The following TCERG1L variants were observed in gnomAD, a reference collection of about 807,000 sequenced individuals.
TCERG1L encodes the protein transcription elongation regulator 1-like protein.
TCERG1L carries 37 observed loss-of-function variants against 56.3 expected under a neutral mutation model. The observed-to-expected ratio is 0.66, with a 90% CI of 0.51 to 0.87. The LOEUF is 0.87. Among genes scored for constraint, TCERG1L ranks in the 40% least tolerant of loss-of-function variants. The pLI is 0.00. For missense variants in TCERG1L, 799 were observed against 774.2 expected (o/e 1.03, Z -0.38); for synonymous variants, 324 against 326.3 (o/e 0.99, Z 0.08).
rs1455350940 is a variant in TCERG1L at position 131,285,808 on chromosome 10, G to C, written c.670+22403C>G. Reference sequence around the variant, plus strand: ...AAATGTGGCTATCTTAATCTAAAAAGGTAAAACATTGAAAAAAATTCATCC... The same window carrying C: ...AAATGTGGCTATCTTAATCTAAAAACGTAAAACATTGAAAAAAATTCATCC... On this transcript the variant is annotated intron_variant, in intron 3 of 11. Coordinates refer to ENST00000368642, the MANE Select transcript of TCERG1L (RefSeq NM_174937.4). Among the ~76,000 whole-genome samples the C allele has an allele frequency of 2.6e-5, 4 of 152,104 alleles. No homozygotes were observed. In the East Asian group the frequency reaches 7.7e-4, roughly 29 times the overall value.
intron 4 of TCERG1L, among the ~76,000 whole-genome samples, chr10:131,227,946 T>C (rs888738418): frequency 1.3e-5 from 2 of 152,084 alleles, no homozygotes; most frequent in Non-Finnish European, 2.9e-5. Context: ...CCTGGCTGAG[T>C]GCATTTCCGT....
intron 4 of TCERG1L, among the ~76,000 whole-genome samples, chr10:131,168,074 T>A (rs1315777494): frequency 6.6e-6 from 1 of 152,142 alleles, no homozygotes; most frequent in Non-Finnish European, 1.5e-5. Flanking sequence ...GACTGGGCAG[T>A]GCAGTCAGGG....
intron 4 of TCERG1L, among the ~76,000 whole-genome samples, chr10:131,205,736 T>C (rs1317397903): frequency 6.6e-6 from 1 of 152,368 alleles, no homozygotes; most frequent in East Asian, 1.9e-4. Context: ...TGAGGTCACC[T>C]GGTCTTGGAG....
chr10:131,195,693 G>C (rs957212980), intron 4 of TCERG1L, among the ~76,000 whole-genome samples: 8 of 152,198 alleles, frequency 5.3e-5, no homozygotes, highest in African/African-American at 1.9e-4. Context: ...TGCTTGAGGT[G>C]GTCCTTCCCT....
At chr10:131,299,563 C>T (rs1279529811) in intron 3 of TCERG1L, among the ~76,000 whole-genome samples, 1 of 141,942 alleles carries the variant, frequency 7.0e-6, no homozygotes, top group Non-Finnish European at 1.6e-5. Context: ...AAACATTATC[C>T]TTCCACTATT....
At chr10:131,124,021 C>G (rs1408541167) in intron 8 of TCERG1L, among the ~76,000 whole-genome samples, 1 of 152,170 alleles carries the variant, frequency 6.6e-6, no homozygotes, top group Non-Finnish European at 1.5e-5. Context: ...CAGGCTGTCC[C>G]CGCAGCAGAG....
intron 4 of TCERG1L, among the ~76,000 whole-genome samples, chr10:131,184,720 C>T (rs139081884): frequency 6.6e-6 from 1 of 152,292 alleles, no homozygotes; most frequent in African/African-American, 2.4e-5. Context: ...ACCGAGCAAG[C>T]CTCAGCATCA....
intron 4 of TCERG1L, among the ~76,000 whole-genome samples, chr10:131,194,074 G>T (rs982229157): frequency 3.3e-5 from 5 of 152,010 alleles, no homozygotes; most frequent in Non-Finnish European, 7.3e-5. Context: ...CCCCAGCGGC[G>T]TGCCTAGGCT....
chr10:131,263,696 T>C (rs1451068485), intron 3 of TCERG1L, among the ~76,000 whole-genome samples: 2 of 152,256 alleles, frequency 1.3e-5, no homozygotes, highest in African/African-American at 4.8e-5. Context: ...TTTATTGCTA[T>C]GCAGTAGACT....
chr10:131,166,802 C>T lies in TCERG1L; in HGVS notation c.940G>A (p.Asp314Asn). Residue 314 changes from aspartate (D) to asparagine (N), a missense_variant, in exon 5 of 12, where the codon GAC becomes AAC. Coordinates refer to ENST00000368642, the MANE Select transcript of TCERG1L (RefSeq NM_174937.4). Reference protein sequence around the residue: ...AQKSRDGDKEDKEPPPMLGGG... With the variant: ...AQKSRDGDKENKEPPPMLGGG... ...ACACGAGCCCCGAAACTGACCTTGT[C>T]TTCTTTGTCTCCATCCCGGCTCTTC... 6.2e-7 allele frequency: 1 copy of T among 1,613,992 alleles called. No homozygotes were observed. The highest frequency in any genetic ancestry group is 8.5e-7 in the Non-Finnish European group (1 of 1,179,904).
intron 4 of TCERG1L, among the ~76,000 whole-genome samples, chr10:131,171,950 G>C (rs1846097477): frequency 6.6e-6 from 1 of 152,224 alleles, no homozygotes; most frequent in African/African-American, 2.4e-5. Context: ...GAAGTCAAAA[G>C]TGTCTAACTC....
chr10:131,306,509 T>C (rs1273381818), intron 3 of TCERG1L, among the ~76,000 whole-genome samples: 3 of 152,096 alleles, frequency 2.0e-5, no homozygotes, highest in African/African-American at 7.2e-5. Flanking sequence ...TTTATCATGT[T>C]TATAAGAAAT....
chr10:131,146,672 G>A lies in TCERG1L; in HGVS notation c.1035-12C>T. 1 of 1,602,706 alleles carries A rather than the reference G, an allele frequency of 6.2e-7. No homozygotes were observed. The highest frequency in any genetic ancestry group is 8.5e-7 in the Non-Finnish European group (1 of 1,173,500). On this transcript the variant is annotated splice_polypyrimidine_tract_variant and intron_variant, in intron 6 of 11. Transcript: ENST00000368642. ...TCCAGACCACACACCTGTTTGAGTG[G>A]AAAAACTCATCTCAGTCGCTCTCGG...
intron 4 of TCERG1L, among the ~76,000 whole-genome samples, chr10:131,184,168 C>T (rs190569469): frequency 1.3e-5 from 2 of 152,370 alleles, no homozygotes; most frequent in East Asian, 3.9e-4. Context: ...GGAGTGTGCA[C>T]TAAGCGATGA....
At chr10:131,215,636 C>G (rs1333160602) in intron 4 of TCERG1L, among the ~76,000 whole-genome samples, 1 of 152,094 alleles carries the variant, frequency 6.6e-6, no homozygotes, top group South Asian at 2.1e-4. Flanking sequence ...TGGTCCAGCC[C>G]ATGGGAGGGT....
chr10:131,191,864 C>CAAAAAAAAAAAAAAAAAAAAAAA (rs59816491), intron 4 of TCERG1L, among the ~76,000 whole-genome samples: 1 of 28,702 alleles, frequency 3.5e-5, no homozygotes, highest in Non-Finnish European at 5.9e-5. Flanking sequence ...GACTCCGTCT[C>CAAAAAAAAAAAAAAAAAAAAAAA]AAAAAAAAAA....
chr10:131,195,454 G>A (rs1845349381), intron 4 of TCERG1L, among the ~76,000 whole-genome samples: 2 of 152,330 alleles, frequency 1.3e-5, no homozygotes, highest in South Asian at 4.1e-4. Context: ...GCTTTTCAAG[G>A]CTGACGGCTA....
chr10:131,099,257 C>A (rs1845281625), intron 10 of TCERG1L, among the ~76,000 whole-genome samples: 1 of 152,214 alleles, frequency 6.6e-6, no homozygotes, highest in Non-Finnish European at 1.5e-5. Flanking sequence ...TGGCAGCCCG[C>A]ATAACGAGAT....
intron 3 of TCERG1L, among the ~76,000 whole-genome samples, chr10:131,299,514 T>C (rs1277648515): frequency 1.3e-5 from 2 of 151,350 alleles, no homozygotes; most frequent in African/African-American, 4.9e-5. Context: ...TTCGAAGATA[T>C]ATCTTTCGAA....
Sources: allele counts gnomAD v4.1 joint callset (sites outside exome capture counted in the v4.1 genomes callset), GRCh38; gene constraint gnomAD v4.1.1; transcripts MANE v1.5; gene names NCBI Gene and HGNC (gene_info 2026-07-23, HGNC 2026-07-21).